Variants in MEF2B observed in about 807,000 individuals in gnomAD.
The protein encoded by MEF2B is myocyte-specific enhancer factor 2B.
In MEF2B, 15 loss-of-function variants were observed where a neutral mutation model predicts 32.2. The observed-to-expected ratio is 0.47, with a 90% CI of 0.31 to 0.72. The LOEUF (loss-of-function observed/expected upper bound fraction) is 0.72. MEF2B is among the 30% of genes least tolerant of loss of function. The probability of loss-of-function intolerance (pLI) is 0.05; values close to 1 mark genes in which losing one functional copy is unlikely to be tolerated. For synonymous variants in MEF2B, 205 were observed against 225.6 expected (o/e 0.91, Z 0.82); for missense variants, 441 against 511.5 (o/e 0.86, Z 1.33).
chr19:19,167,787 T>C (rs1222399383), intron 1 of MEF2B, among the ~76,000 whole-genome samples: 1 of 152,086 alleles, frequency 6.6e-6, no homozygotes, highest in Non-Finnish European at 1.5e-5. Flanking sequence ...CAGCCACCTG[T>C]TGGGGGGTCA....
At chr19:19,164,002 T>C (rs2060187389) in intron 1 of MEF2B, among the ~76,000 whole-genome samples, 1 of 152,032 alleles carries the variant, frequency 6.6e-6, no homozygotes, top group Non-Finnish European at 1.5e-5. Context: ...GTTTCGCTCT[T>C]GTTGCCCAGG....
intron 1 of MEF2B, among the ~76,000 whole-genome samples, chr19:19,156,753 G>C (rs1038530295): frequency 2.6e-5 from 4 of 152,170 alleles, no homozygotes; most frequent in African/African-American, 9.6e-5. Context: ...CTGGGCTCAA[G>C]TGATCCTCCA....
At chr19:19,155,683 G>A (rs1028381739) in intron 1 of MEF2B, among the ~76,000 whole-genome samples, 16 of 152,174 alleles carry the variant, frequency 1.1e-4, no homozygotes, top group African/African-American at 3.6e-4. Context: ...ATGCGGAGGC[G>A]GCAGGCCAGA....
intron 1 of MEF2B, among the ~76,000 whole-genome samples, chr19:19,163,152 T>C (rs1333112274): frequency 7.9e-5 from 12 of 152,170 alleles, no homozygotes; most frequent in Non-Finnish European, 1.5e-5. Flanking sequence ...TCAATCTTTT[T>C]TAATATTTAT....
intron 3 of MEF2B, among the ~76,000 whole-genome samples, 179 bp downstream of exon 3, chr19:19,149,047 C>T (rs1317378387): frequency 6.6e-6 from 1 of 151,692 alleles, no homozygotes; most frequent in Non-Finnish European, 1.5e-5. Context: ...CAGAAGGGCT[C>T]CCCCACTCCC....
At chr19:19,155,226 T>C (rs1187199555) in intron 1 of MEF2B, among the ~76,000 whole-genome samples, 2 of 152,168 alleles carry the variant, frequency 1.3e-5, no homozygotes, top group African/African-American at 4.8e-5. Flanking sequence ...CCAAATCAGC[T>C]CTTGCCTACT....
chr19:19,150,258 G>A (rs1280969438), intron 2 of MEF2B, among the ~76,000 whole-genome samples: 7 of 151,266 alleles, frequency 4.6e-5, no homozygotes, highest in East Asian at 4.0e-4. Context: ...GACCAGGCGC[G>A]GTGGCTCACG....
At chr19:19,146,715 G>A in intron 6 of MEF2B, 27 bp downstream of exon 6, 1 of 1,613,646 alleles carries the variant, frequency 6.2e-7, no homozygotes, top group African/African-American at 1.3e-5. Flanking sequence ...GCCCTCATCA[G>A]CCCTGCCACA....
chr19:19,156,371 C>T (rs1189107293), intron 1 of MEF2B, among the ~76,000 whole-genome samples: 1 of 151,176 alleles, frequency 6.6e-6, no homozygotes, highest in Non-Finnish European at 1.5e-5. Context: ...CCAACCTAGG[C>T]AACATAGCGA....
In MEF2B at chr19:19,150,768, G is replaced by A; in HGVS notation, c.-29-4C>T. The A allele has an allele frequency of 6.2e-7, 1 of 1,614,094 alleles. No homozygotes were observed. The highest frequency in any genetic ancestry group is 8.5e-7 in the Non-Finnish European group (1 of 1,180,006). On this transcript the variant is annotated splice_polypyrimidine_tract_variant and splice_region_variant and intron_variant, in intron 1 of 8. Coordinates refer to ENST00000424583, the MANE Select transcript of MEF2B (RefSeq NM_001145785.2). ...GGCTGAGTGGAATGATCTTTGTCTA[G>A]GAGGAGAAGAGGGAGAGGACAGAGT...
chr19:19,166,597 TAA>T (rs56322437), intron 1 of MEF2B, among the ~76,000 whole-genome samples: 7 of 130,156 alleles, frequency 5.4e-5, no homozygotes, highest in East Asian at 2.3e-4. Flanking sequence ...CATCTCCAAT[TAA>T]AAAAAAAAAA....
Position 19,146,322 on chromosome 19 carries a change from A to G in MEF2B, c.832T>C (p.Trp278Arg), listed in dbSNP as rs1257657374. 9.2e-7 allele frequency: 1 copy of G among 1,081,774 alleles called. No individual in the cohort carries two copies. Among genetic ancestry groups the G allele is most frequent in the South Asian group, 2.2e-5 (1 of 45,876 alleles). The allele number at this position is 1,081,774 out of a possible 1,614,324, so 67.0% of individuals were successfully genotyped here. The change falls in exon 8 of 9, where the codon TGG becomes CGG. Residue 278 changes from tryptophan (W) to arginine (R), a missense_variant. Physicochemically the swap from Trp to Arg is moderately radical, Grantham distance 101. Coordinates refer to ENST00000424583, the MANE Select transcript of MEF2B (RefSeq NM_001145785.2). ...GLLQPPTLAP[W>R]QPSRGDGPPA... is the part of the protein sequence containing the mutation. ...GGCCCATCACCCCTCGAGGGCTGCC[A>G]GGGGGCCAGGGTGGGGGGCTGCAAC...
At chr19:19,160,833 A>T (rs1175858478) in intron 1 of MEF2B, among the ~76,000 whole-genome samples, 2 of 151,996 alleles carry the variant, frequency 1.3e-5, no homozygotes, top group Non-Finnish European at 2.9e-5. Flanking sequence ...TGGGGGCTCC[A>T]GCGGCTCCGA....
chr19:19,150,182 G>GGGAAGGAGGGAGGGAGGGAA (rs2060063438), intron 2 of MEF2B, among the ~76,000 whole-genome samples: 2 of 110,112 alleles, frequency 1.8e-5, no homozygotes, highest in African/African-American at 3.9e-5. Context: ...GAGGGAGGGA[G>GGGAAGGAGGGAGGGAGGGAA]GGAAGGAAGG....
intron 1 of MEF2B, among the ~76,000 whole-genome samples, chr19:19,155,501 A>T (rs569539691): frequency 2.0e-5 from 3 of 152,190 alleles, no homozygotes; most frequent in Non-Finnish European, 4.4e-5. Flanking sequence ...TTTGGTGAGC[A>T]GAGTAGATCA....
intron 1 of MEF2B, among the ~76,000 whole-genome samples, chr19:19,155,929 C>T (rs1220473303): frequency 6.6e-6 from 1 of 152,142 alleles, no homozygotes; most frequent in African/African-American, 2.4e-5. Context: ...CTGCCCAGCG[C>T]AGAAGCACAG....
intron 1 of MEF2B, among the ~76,000 whole-genome samples, chr19:19,165,016 C>A (rs2146383388): frequency 6.6e-6 from 1 of 152,332 alleles, no homozygotes; most frequent in Admixed American, 6.5e-5. Context: ...GGACCCTGCC[C>A]ACAGCCCGGC....
At chr19:19,163,342 G>A (rs1464932626) in intron 1 of MEF2B, among the ~76,000 whole-genome samples, 2 of 151,928 alleles carry the variant, frequency 1.3e-5, no homozygotes, top group African/African-American at 4.8e-5. Flanking sequence ...TAGAGCCGGG[G>A]TCTCCCTGTG....
rs186764208 is a variant in MEF2B at position 19,163,592 on chromosome 19, C to T, written c.-30+6613G>A. ...GGCCCTCAATCACCCTTCCTTGAAT[C>T]AACGACCAAACAACTGCTTCACAGA... On this transcript the variant is annotated intron_variant, in intron 1 of 8. Coordinates refer to ENST00000424583, the MANE Select transcript of MEF2B (RefSeq NM_001145785.2). Among the ~76,000 whole-genome samples, 327 of 152,322 alleles carry T rather than the reference C, an allele frequency of 2.1e-3. 5 individuals carry two copies. The highest frequency in any genetic ancestry group is 0.014 in the Middle Eastern group (4 of 294).
Sources: allele counts gnomAD v4.1 joint callset (sites outside exome capture counted in the v4.1 genomes callset), GRCh38; gene constraint gnomAD v4.1.1; transcripts MANE v1.5; gene names NCBI Gene and HGNC (gene_info 2026-07-23, HGNC 2026-07-21).